The following PHKA2 variants were observed in gnomAD, a reference collection of about 807,000 sequenced individuals.
PHKA2 encodes phosphorylase b kinase regulatory subunit alpha, liver isoform.
PHKA2 carries 31 observed loss-of-function variants against 102.0 expected under a neutral mutation model. The observed-to-expected ratio is 0.30, with a 90% CI of 0.23 to 0.41. The LOEUF is 0.41. PHKA2 is among the 10% of genes least tolerant of loss of function. PHKA2 has a pLI of 1.00. For synonymous variants in PHKA2, 455 were observed against 416.2 expected (o/e 1.09, Z -1.13); for missense variants, 858 against 1,023.1 (o/e 0.84, Z 2.20).
intron 12 of PHKA2, among the ~76,000 whole-genome samples, chrX:18,930,370 C>T (rs1413521988): frequency 3.6e-5 from 4 of 111,123 alleles, no homozygotes; most frequent in Non-Finnish European, 7.6e-5. Flanking sequence ...GAATATGCAC[C>T]TCCTTGCACT....
At chrX:18,932,344 T>C (rs181484809) in intron 11 of PHKA2, among the ~76,000 whole-genome samples, 8 of 111,742 alleles carry the variant, frequency 7.2e-5, no homozygotes, top group Non-Finnish European at 1.1e-4. Flanking sequence ...CATTGTAAGC[T>C]AGTCTGCAAC....
intron 19 of PHKA2, among the ~76,000 whole-genome samples, chrX:18,918,432 G>A (rs754464778): frequency 8.0e-5 from 9 of 112,012 alleles, no homozygotes; most frequent in Non-Finnish European, 1.7e-4. Context: ...CCACTTAATC[G>A]AAAGTCAACA....
At chrX:18,958,721 C>T (rs1312383696) in intron 1 of PHKA2, among the ~76,000 whole-genome samples, 3 of 108,913 alleles carry the variant, frequency 2.8e-5, no homozygotes, top group African/African-American at 1.0e-4. Context: ...TGTGTGTGTG[C>T]GTGTGTGTGA....
intron 1 of PHKA2, among the ~76,000 whole-genome samples, chrX:18,966,087 T>G (rs1311050363): frequency 9.6e-6 from 1 of 104,162 alleles, no homozygotes; most frequent in African/African-American, 3.7e-5. Flanking sequence ...TTTTGTTTTT[T>G]TTTTGTTTTT....
rs182401514 is a variant in PHKA2, at chrX:18,910,351, A to C, written c.2226+521T>G. On this transcript the variant is annotated intron_variant, in intron 20 of 32. Transcript: ENST00000379942. The stretch of plus-strand genomic sequence containing the variant: ...AAAAATTAGCTGGGCATGGTGGCGC[A>C]CGCTGGTAGTCCCAACTATTTGGGA... 5.4e-3 allele frequency among the ~76,000 whole-genome samples: 602 copies of C among 111,862 alleles called. 3 individuals carry two copies. The highest frequency in any genetic ancestry group is 8.9e-3 in the Non-Finnish European group (473 of 53,196).
At chrX:18,895,394 G>A (rs2047526319) in intron 30 of PHKA2, 1 of 462,017 alleles carries the variant, frequency 2.2e-6, no homozygotes, top group Admixed American at 3.0e-5. Context: ...CAATTCTAGG[G>A]AACCCAGCAG....
At position 18,893,464 on chromosome X, in the gene PHKA2, A is replaced by C; in HGVS notation, c.*21T>G. 1.7e-6 allele frequency: 2 copies of C among 1,205,422 alleles called. No individual in the cohort carries two copies. Among genetic ancestry groups the C allele is most frequent in the Non-Finnish European group, 2.2e-6 (2 of 889,864 alleles). On this transcript the variant is annotated 3_prime_UTR_variant, in exon 33 of 33. Coordinates refer to ENST00000379942, the MANE Select transcript of PHKA2 (RefSeq NM_000292.3). ...GGGCACGTGACAGATTGAGAGTGTG[A>C]TCATGTTTCCAGGTGAGACCCTATT...
chrX:18,977,365 G>GTA (rs746587945), intron 1 of PHKA2, among the ~76,000 whole-genome samples: 4 of 112,239 alleles, frequency 3.6e-5, no homozygotes, highest in Non-Finnish European at 7.5e-5. Context: ...AAACAAGTAA[G>GTA]TATTTCCTAT....
intron 26 of PHKA2, among the ~76,000 whole-genome samples, 174 bp downstream of exon 26, chrX:18,905,584 G>A (rs768170374): frequency 2.7e-5 from 3 of 111,834 alleles, no homozygotes; most frequent in South Asian, 3.8e-4. Flanking sequence ...AGCACACTGC[G>A]AGCAAGTCTC....
chrX:18,972,690 G>C (rs1335977035), intron 1 of PHKA2, among the ~76,000 whole-genome samples: 2 of 111,991 alleles, frequency 1.8e-5, no homozygotes, highest in Non-Finnish European at 3.8e-5. Context: ...TGCCATAAAG[G>C]GATACCTTGA....
chrX:18,974,785 C>T, intron 1 of PHKA2, among the ~76,000 whole-genome samples: 1 of 111,048 alleles, frequency 9.0e-6, no homozygotes, highest in South Asian at 3.8e-4. Flanking sequence ...TAATCATCTC[C>T]CGAAGGCCCC....
At chrX:18,976,421 T>C (rs2049091466) in intron 1 of PHKA2, among the ~76,000 whole-genome samples, 1 of 112,081 alleles carries the variant, frequency 8.9e-6, no homozygotes, top group Non-Finnish European at 1.9e-5. Flanking sequence ...TAATTTTTTC[T>C]TAACACTGGT....
chrX:18,964,226 C>T (rs1242253914), intron 1 of PHKA2, among the ~76,000 whole-genome samples: 1 of 110,918 alleles, frequency 9.0e-6, no homozygotes, highest in East Asian at 2.8e-4. Flanking sequence ...CCTGTGCACA[C>T]GCTTGCTCCT....
chrX:18,964,250 A>G (rs2048908072), intron 1 of PHKA2, among the ~76,000 whole-genome samples: 1 of 110,113 alleles, frequency 9.1e-6, no homozygotes, highest in African/African-American at 3.3e-5. Context: ...TCTGCCTGTA[A>G]AGCTCTCCTG....
intron 1 of PHKA2, among the ~76,000 whole-genome samples, chrX:18,958,779 G>A (rs1034641822): frequency 9.1e-6 from 1 of 109,983 alleles, no homozygotes; most frequent in Non-Finnish European, 1.9e-5. Flanking sequence ...GTGCAATCTC[G>A]GCTCACTGAA....
intron 6 of PHKA2, among the ~76,000 whole-genome samples, chrX:18,944,066 C>T (rs2048538287): frequency 1.8e-5 from 2 of 110,769 alleles, no homozygotes; most frequent in Non-Finnish European, 3.8e-5. Context: ...CCTCCCATCT[C>T]GGCCTCCCAA....
chrX:18,982,469 C>T (rs1347162827), intron 1 of PHKA2, among the ~76,000 whole-genome samples: 3 of 112,120 alleles, frequency 2.7e-5, no homozygotes, highest in East Asian at 2.8e-4. Flanking sequence ...GTACGTTGTA[C>T]GCATATTACC....
At chrX:18,938,816 C>A in intron 9 of PHKA2, 67 bp from the exon 10 acceptor site, 1 of 1,033,048 alleles carries the variant, frequency 9.7e-7, no homozygotes, top group Non-Finnish European at 1.4e-6. Flanking sequence ...CATTGTGCCT[C>A]ATGGGGTTTC....
chrX:18,896,884 G>A (rs1367400836), intron 30 of PHKA2, among the ~76,000 whole-genome samples: 1 of 112,088 alleles, frequency 8.9e-6, no homozygotes, highest in Non-Finnish European at 1.9e-5. Flanking sequence ...CCCACGGGAT[G>A]TTTGATAATG....
Sources: gnomAD v4.1 joint callset for allele counts (sites outside exome capture counted in the v4.1 genomes callset) on GRCh38, gnomAD v4.1.1 for gene constraint, MANE v1.5 for transcripts, NCBI Gene and HGNC (gene_info 2026-07-23, HGNC 2026-07-21) for gene names.